SPOCK2: variants seen among roughly 807,000 people sequenced by gnomAD.
The protein encoded by SPOCK2 is testican-2.
In SPOCK2, 39 loss-of-function variants were observed where a neutral mutation model predicts 60.1. The ratio of observed to expected loss-of-function variants is 0.65; its 90% confidence interval spans 0.50 to 0.85. The LOEUF is 0.85. Ranked by LOEUF, SPOCK2 falls within the 40% of genes least tolerant of loss-of-function variation. The pLI is 0.00. For synonymous variants in SPOCK2, 217 were observed against 231.5 expected, an observed-to-expected ratio of 0.94 and a Z score of 0.57; for missense variants, 523 against 567.4, an observed-to-expected ratio of 0.92 and a Z score of 0.80.
intron 9 of SPOCK2, 134 bp from the exon 10 acceptor site, chr10:72,063,296 C>G (rs1356223830): frequency 1.1e-5 from 14 of 1,275,452 alleles, no homozygotes; most frequent in Non-Finnish European, 1.5e-5. Flanking sequence ...GGTGCTGACC[C>G]CCCAACAGGC....
At chr10:72,085,024 C>A (rs1399431888) in intron 1 of SPOCK2, among the ~76,000 whole-genome samples, 5 of 152,194 alleles carry the variant, frequency 3.3e-5, no homozygotes, top group Non-Finnish European at 5.9e-5. Context: ...ACAGTCAGCT[C>A]TTCGTAGCCA....
At chr10:72,084,822 G>A (rs927173237) in intron 1 of SPOCK2, among the ~76,000 whole-genome samples, 1 of 152,286 alleles carries the variant, frequency 6.6e-6, no homozygotes, top group South Asian at 2.1e-4. Flanking sequence ...AGAGGCACAA[G>A]AGACCACTCA....
At chr10:72,081,580 A>G (rs965527658) in intron 1 of SPOCK2, among the ~76,000 whole-genome samples, 18 of 152,240 alleles carry the variant, frequency 1.2e-4, no homozygotes, top group African/African-American at 4.3e-4. Flanking sequence ...GGAGTGGGGA[A>G]GAGGCTCAGA....
Position 72,062,882 on chromosome 10 carries a change from C to A in SPOCK2, c.1153G>T (p.Asp385Tyr), listed in dbSNP as rs769721415. ...DCDDIVGFSGDFGSGVGWEDE... is the reference protein window; with the variant it reads ...DCDDIVGFSGYFGSGVGWEDE... Reference sequence around the variant, plus strand: ...TCCCAGCCGACACCGCTTCCAAAGTCCCCCGAGAAGCCCACGATGTCATCT... The same window carrying A: ...TCCCAGCCGACACCGCTTCCAAAGTACCCCGAGAAGCCCACGATGTCATCT... Residue 385 changes from aspartate to tyrosine, a missense_variant, in exon 11 of 11, where the codon GAC becomes TAC. Asp to Tyr is a radical substitution (Grantham distance 160, BLOSUM62 -3). Transcript: ENST00000373109. This position sits in a 1 kb window ranked among gnomAD's most constrained non-coding sequence, Gnocchi z 4.3. The A allele has an allele frequency of 1.2e-6, 2 of 1,600,054 alleles. No homozygotes were observed. The highest frequency in any genetic ancestry group is 1.7e-6 in the Non-Finnish European group (2 of 1,175,188).
At position 72,068,408 on chromosome 10, in the gene SPOCK2, A is replaced by G. The variant is rs555863540; in HGVS notation, c.475-107T>C. The G allele has an allele frequency of 4.9e-4, 597 of 1,217,266 alleles. 3 individuals carry two copies. The African/African-American group carries it at 8.0e-3, about 16-fold the overall frequency. 75.4% of individuals were successfully genotyped at this position (1,217,266 alleles called of 1,614,324 possible). On this transcript the variant is annotated intron_variant, in intron 5 of 10. Coordinates refer to ENST00000373109, the MANE Select transcript of SPOCK2 (RefSeq NM_001244950.2). ...ATGGCAGCCACATCTGCCTCCCCCC[A>G]TGGAGTGCCCATGAACAGCCTGAAG...
intron 8 of SPOCK2, among the ~76,000 whole-genome samples, chr10:72,066,330 ATTCT>A (rs1840566961): frequency 6.7e-6 from 1 of 149,312 alleles, no homozygotes; most frequent in Non-Finnish European, 1.5e-5. Context: ...TATTTTTCAT[ATTCT>A]TTCTTTCCTT....
chr10:72,088,300 A>G lies in SPOCK2; in HGVS notation c.29T>C (p.Val10Ala), dbSNP rs981905021. The G allele has an allele frequency of 6.3e-7, 1 of 1,592,058 alleles. No homozygotes were observed. The highest frequency in any genetic ancestry group is 2.3e-5 in the East Asian group (1 of 44,274). ...CGCGGCCAGGAGCAGCAGCGGCAGC[A>G]CCAGCCGCCCGCAGCCCGGGGCGCG... Reference protein sequence around the residue: MRAPGCGRLVLPLLLLAAAA... With the variant: MRAPGCGRLALPLLLLAAAA... The change falls in exon 1 of 11, where the codon GTG (valine) becomes GCG (alanine). Residue 10 changes from valine (V) to alanine (A), a missense_variant. Val to Ala is a moderately conservative substitution (Grantham distance 64). Transcript: ENST00000373109.
chr10:72,076,922 C>A (rs1021303121), intron 1 of SPOCK2, among the ~76,000 whole-genome samples: 9 of 152,166 alleles, frequency 5.9e-5, no homozygotes, highest in African/African-American at 2.2e-4. Flanking sequence ...CCCCTCCCAC[C>A]CCACAAGTTA....
intron 1 of SPOCK2, among the ~76,000 whole-genome samples, chr10:72,073,648 C>T (rs1303505985): frequency 6.6e-6 from 1 of 152,200 alleles, no homozygotes; most frequent in Admixed American, 6.5e-5. Context: ...CCCAGGTCTC[C>T]CGATGCCCAG....
intron 6 of SPOCK2, 100 bp downstream of exon 6, chr10:72,068,087 C>T: frequency 2.2e-6 from 3 of 1,361,670 alleles, no homozygotes; most frequent in Admixed American, 2.2e-5. Context: ...TTGCCACTTC[C>T]CTCTTGCTCT....
chr10:72,064,225 G>A lies in SPOCK2; in HGVS notation c.944C>T (p.Ala315Val). Reference sequence around the variant, plus strand: ...CTGGATCTGGATGCGCTCCAGCTCTGCCAGGCAGGGGGGCTCTGTGGGGAG... The same window carrying A: ...CTGGATCTGGATGCGCTCCAGCTCTACCAGGCAGGGGGGCTCTGTGGGGAG... ...CFWREKPPCL[A>V]ELERIQIQEA... Residue 315 changes from alanine (A) to valine (V), a missense_variant, in exon 9 of 11, where the codon GCA becomes GTA. By Grantham distance (64) the Ala-to-Val change is moderately conservative. Coordinates refer to ENST00000373109, the MANE Select transcript of SPOCK2 (RefSeq NM_001244950.2). 2 of 1,604,722 alleles carry A rather than the reference G, an allele frequency of 1.2e-6. No individual in the cohort carries two copies. The highest frequency in any genetic ancestry group is 8.5e-7 in the Non-Finnish European group (1 of 1,176,670).
intron 3 of SPOCK2, 27 bp downstream of exon 3, chr10:72,072,476 C>A: frequency 6.2e-7 from 1 of 1,613,774 alleles, no homozygotes; most frequent in Non-Finnish European, 8.5e-7. Context: ...TGTCAGTCAC[C>A]TTCCCCCGCC....
chr10:72,064,489 C>T (rs920813478), intron 8 of SPOCK2, among the ~76,000 whole-genome samples: 3 of 152,104 alleles, frequency 2.0e-5, no homozygotes, highest in African/African-American at 7.2e-5. Context: ...GTCCTAGGGA[C>T]CCATGAGAGG....
Position 72,087,609 on chromosome 10 carries a change from C to G in SPOCK2, c.189+531G>C, listed in dbSNP as rs927337043. Reference sequence around the variant, plus strand: ...AGACCCAGAGCCCCGGTCACACTCCCGTCCCATGCTGTCCCCCTCCCGCAA... The same window carrying G: ...AGACCCAGAGCCCCGGTCACACTCCGGTCCCATGCTGTCCCCCTCCCGCAA... On this transcript the variant is annotated intron_variant, in intron 1 of 10. Coordinates refer to ENST00000373109, the MANE Select transcript of SPOCK2 (RefSeq NM_001244950.2). This position sits in a 1 kb window ranked among gnomAD's most constrained non-coding sequence, Gnocchi z 4.7. Among the ~76,000 whole-genome samples the G allele has an allele frequency of 6.6e-6, 1 of 152,198 alleles. No individual in the cohort carries two copies. The highest frequency in any genetic ancestry group is 2.4e-5 in the African/African-American group (1 of 41,450).
rs749018606 is a variant in SPOCK2, at chr10:72,067,671, G to A, written c.651C>T (p.Leu217=). 16 of 1,613,688 alleles carry A rather than the reference G, an allele frequency of 9.9e-6. No homozygotes were observed. The highest frequency in any genetic ancestry group is 1.7e-5 in the Admixed American group (1 of 59,990). ...LGDRLRDWFQ[L]LHENSKQNGS... is the part of the protein sequence containing the mutation. ...CATTCTGCTTGGAGTTCTCATGAAG[G>A]AGCTGGAACCAGTCCCGCAGCCGAT... is the stretch of plus-strand genomic sequence containing the variant. The change falls in exon 7 of 11, where the codon CTC becomes CTT. Residue 217 remains leucine, a synonymous_variant. Coordinates refer to ENST00000373109, the MANE Select transcript of SPOCK2 (RefSeq NM_001244950.2).
At chr10:72,077,052 A>G (rs1171567653) in intron 1 of SPOCK2, among the ~76,000 whole-genome samples, 1 of 152,314 alleles carries the variant, frequency 6.6e-6, no homozygotes, top group South Asian at 2.1e-4. Context: ...TGTGTCCTCA[A>G]AGAAGTCACT....
rs1468138117 is a variant in SPOCK2 at position 72,059,490 on chromosome 10, C to G, written c.*3270G>C. Reference sequence around the variant, plus strand: ...GTCTGGGTCTCCTTCTGTGGTGTCTCTCCCCTGGGACTGCCGCCAGCCCGC... The same window carrying G: ...GTCTGGGTCTCCTTCTGTGGTGTCTGTCCCCTGGGACTGCCGCCAGCCCGC... On this transcript the variant is annotated 3_prime_UTR_variant, in exon 11 of 11. Coordinates refer to ENST00000373109, the MANE Select transcript of SPOCK2 (RefSeq NM_001244950.2). The G allele has an allele frequency of 6.6e-6, 1 of 152,322 alleles. No homozygotes were observed. The highest frequency in any genetic ancestry group is 1.5e-5 in the Non-Finnish European group (1 of 68,140). 9.4% of individuals were successfully genotyped at this position (152,322 alleles called of 1,614,324 possible).
At position 72,064,853 on chromosome 10, in the gene SPOCK2, C is replaced by G. The variant is rs1840547231; in HGVS notation, c.929-613G>C. ...TCACGCCATTCTCCTGCCTCAGCCTCCCGAGCAGCTGGGACTACAGGCGCC... is the reference window on the plus strand; with the variant it reads ...TCACGCCATTCTCCTGCCTCAGCCTGCCGAGCAGCTGGGACTACAGGCGCC... On this transcript the variant is annotated intron_variant, in intron 8 of 10. Transcript: ENST00000373109. Among the ~76,000 whole-genome samples, 2 of 151,486 alleles carry G rather than the reference C, an allele frequency of 1.3e-5. 1 individual carries two copies. Among genetic ancestry groups the G allele is most frequent in the South Asian group, 4.2e-4 (2 of 4,780 alleles).
At position 72,064,245 on chromosome 10, in the gene SPOCK2, G is replaced by T; in HGVS notation, c.929-5C>A. 2 of 1,590,982 alleles carry T rather than the reference G, an allele frequency of 1.3e-6. No individual in the cohort carries two copies. The highest frequency in any genetic ancestry group is 1.4e-5 in the African/African-American group (1 of 74,062). On this transcript the variant is annotated splice_polypyrimidine_tract_variant and splice_region_variant and intron_variant, in intron 8 of 10. Transcript: ENST00000373109. ...GCTCTGCCAGGCAGGGGGGCTCTGTGGGGAGAGAAGCAGCCTCTGATGGGA... is the reference window on the plus strand; with the variant it reads ...GCTCTGCCAGGCAGGGGGGCTCTGTTGGGAGAGAAGCAGCCTCTGATGGGA...
Sources: allele counts gnomAD v4.1 joint callset (sites outside exome capture counted in the v4.1 genomes callset), GRCh38; gene constraint gnomAD v4.1.1; non-coding constraint Gnocchi (gnomAD v3.1); transcripts MANE v1.5; gene names NCBI Gene and HGNC (gene_info 2026-07-23, HGNC 2026-07-21).